The following SOX5 variants were observed in gnomAD, a reference collection of about 807,000 sequenced individuals.
SOX5 encodes SRY-box transcription factor 5.
A neutral mutation model predicts 92.0 loss-of-function variants in SOX5; 9 were observed. The observed-to-expected ratio is 0.10, with a 90% CI of 0.06 to 0.17. SOX5 has a LOEUF of 0.17. Among genes scored for constraint, SOX5 ranks in the 10% least tolerant of loss-of-function variants. The probability of loss-of-function intolerance (pLI) is 1.00; values close to 1 mark genes in which losing one functional copy is unlikely to be tolerated. For missense variants in SOX5, 642 were observed against 944.5 expected (o/e 0.68, Z 4.20); for synonymous variants, 344 against 336.3 (o/e 1.02, Z -0.25).
At chr12:24,094,188 C>A (rs1006019749) in intron 4 of SOX5, among the ~76,000 whole-genome samples, 3 of 152,118 alleles carry the variant, frequency 2.0e-5, no homozygotes, top group African/African-American at 4.8e-5. Flanking sequence ...CTCAGATGAT[C>A]CACCCACCTC....
chr12:23,570,596 G>A (rs973752094), intron 10 of SOX5, among the ~76,000 whole-genome samples: 1 of 151,582 alleles, frequency 6.6e-6, no homozygotes, highest in Admixed American at 6.6e-5. Context: ...TGGACAACAT[G>A]AGAAAACCCA....
In SOX5 at chr12:24,316,386, T is replaced by C. The variant is rs139379972; in HGVS notation, c.-173-39074A>G. ...ATGCATACCATCATTTGCCTCTTTC[T>C]GACATTCAGCAACAGACTTGATATT... On this transcript the variant is annotated intron_variant, in intron 2 of 4. Transcript: ENST00000446891. Among the ~76,000 whole-genome samples the C allele has an allele frequency of 5.2e-3, 798 of 152,326 alleles. 8 individuals carry two copies. Among genetic ancestry groups the C allele is most frequent in the African/African-American group, 0.012 (497 of 41,568 alleles).
intron 4 of SOX5, among the ~76,000 whole-genome samples, chr12:24,102,280 T>C (rs73275494): frequency 1.1e-3 from 173 of 152,306 alleles, no homozygotes; most frequent in African/African-American, 4.0e-3. Flanking sequence ...TTGTTGATAA[T>C]GTTCAATGGT....
chr12:24,020,406 A>G (rs1280737829), intron 4 of SOX5, among the ~76,000 whole-genome samples: 1 of 152,198 alleles, frequency 6.6e-6, no homozygotes, highest in Non-Finnish European at 1.5e-5. Flanking sequence ...AGAATTAACA[A>G]TGTTCAGGCA....
At chr12:23,688,033 A>G (rs929480031) in intron 6 of SOX5, among the ~76,000 whole-genome samples, 3 of 151,996 alleles carry the variant, frequency 2.0e-5, no homozygotes, top group African/African-American at 7.2e-5. Context: ...CCTTTAAGAA[A>G]CAGCTGGACC....
At chr12:24,408,800 G>A (rs1402411727) in intron 1 of SOX5, among the ~76,000 whole-genome samples, 1 of 152,268 alleles carries the variant, frequency 6.6e-6, no homozygotes, top group South Asian at 2.1e-4. Context: ...AATTTGGAAT[G>A]GCAATTATTA....
At chr12:24,550,417 G>A (rs967108644) in intron 1 of SOX5, among the ~76,000 whole-genome samples, 2 of 152,086 alleles carry the variant, frequency 1.3e-5, no homozygotes, top group Non-Finnish European at 2.9e-5. Flanking sequence ...CTGGACTCAT[G>A]CCAAACACAA....
chr12:23,659,281 G>T (rs186226227), intron 7 of SOX5, among the ~76,000 whole-genome samples: 1 of 152,308 alleles, frequency 6.6e-6, no homozygotes, highest in Admixed American at 6.5e-5. Flanking sequence ...TACGCCTGAG[G>T]AAGTTTATGG....
chr12:23,608,295 T>C (rs1263108753), intron 8 of SOX5, among the ~76,000 whole-genome samples: 1 of 152,018 alleles, frequency 6.6e-6, no homozygotes, highest in Admixed American at 6.6e-5. Flanking sequence ...CTCAGAGCTT[T>C]CCAGTCTTTC....
At chr12:23,952,556 T>C (rs1355133349), upstream of SOX5, among the ~76,000 whole-genome samples, 1 of 152,202 alleles carries the variant, frequency 6.6e-6, no homozygotes, top group Non-Finnish European at 1.5e-5. Flanking sequence ...TGTTAAATGG[T>C]TTGAAAGTTA....
At chr12:24,045,740 A>G (rs1370478940) in intron 4 of SOX5, among the ~76,000 whole-genome samples, 1 of 152,224 alleles carries the variant, frequency 6.6e-6, no homozygotes, top group African/African-American at 2.4e-5. Flanking sequence ...GTATGGTGGC[A>G]GCTACACAGG....
intron 6 of SOX5, among the ~76,000 whole-genome samples, chr12:23,701,340 T>A (rs547857593): frequency 6.6e-6 from 1 of 151,494 alleles, no homozygotes; most frequent in Admixed American, 6.6e-5. Context: ...ATTGGAATTC[T>A]GAGGTTTCTT....
chr12:24,215,551 C>G (rs1008538045), intron 3 of SOX5, among the ~76,000 whole-genome samples: 4 of 151,992 alleles, frequency 2.6e-5, no homozygotes, highest in Non-Finnish European at 5.9e-5. Flanking sequence ...CATTAGAAGT[C>G]TAAGGCTTGT....
chr12:24,251,304 G>T (rs1939984942), intron 3 of SOX5, among the ~76,000 whole-genome samples: 1 of 152,110 alleles, frequency 6.6e-6, no homozygotes, highest in South Asian at 2.1e-4. Flanking sequence ...AGTATGTTAA[G>T]GTTGAACAAC....
At chr12:24,539,536 T>A (rs1381396172) in intron 1 of SOX5, among the ~76,000 whole-genome samples, 1 of 152,096 alleles carries the variant, frequency 6.6e-6, no homozygotes, top group Non-Finnish European at 1.5e-5. Flanking sequence ...AATATAGACA[T>A]TTGATCCCTA....
intron 1 of SOX5, among the ~76,000 whole-genome samples, chr12:23,943,834 A>C (rs974616468): frequency 6.6e-6 from 1 of 152,126 alleles, no homozygotes; most frequent in African/African-American, 2.4e-5. Flanking sequence ...TTTATGGGCA[A>C]AAACTCCTTA....
In SOX5 at chr12:23,665,520, A is replaced by C. The variant is rs1022084086; in HGVS notation, c.855T>G (p.Pro285=). 2 of 1,613,460 alleles carry C rather than the reference A, an allele frequency of 1.2e-6. No homozygotes were observed. The highest frequency in any genetic ancestry group is 2.7e-5 in the African/African-American group (2 of 74,896). Residue 285 remains proline, a synonymous_variant, in exon 7 of 15, where the codon CCT becomes CCG. Coordinates refer to ENST00000451604, the MANE Select transcript of SOX5 (RefSeq NM_006940.6). ...LPPLMIPVFP[P]DQRTLAAAAQ... ...CAGCTGCAGCCAGTGTCCGTTGATC[A>C]GGAGGGAATACGGGAATCATTAATG... is the stretch of plus-strand genomic sequence containing the variant.
chr12:23,576,072 C>A (rs933693013), intron 9 of SOX5, among the ~76,000 whole-genome samples: 1 of 152,162 alleles, frequency 6.6e-6, no homozygotes, highest in South Asian at 2.1e-4. Context: ...CAACTACCCA[C>A]AGAAAGCAGA....
At chr12:24,022,847 T>C (rs765589723) in intron 4 of SOX5, among the ~76,000 whole-genome samples, 13 of 152,070 alleles carry the variant, frequency 8.5e-5, no homozygotes, top group Non-Finnish European at 1.6e-4. Flanking sequence ...TAAATGGCTT[T>C]AATAACACAC....
Sources: gnomAD v4.1 joint callset for allele counts (sites outside exome capture counted in the v4.1 genomes callset) on GRCh38, gnomAD v4.1.1 for gene constraint, MANE v1.5 for transcripts, NCBI Gene and HGNC (gene_info 2026-07-23, HGNC 2026-07-21) for gene names.